Variants in UVRAG observed in about 807,000 individuals in gnomAD.
The protein encoded by UVRAG is UV radiation resistance associated, also known as UV radiation resistance-associated gene protein.
In UVRAG, 19 loss-of-function variants were observed where a neutral mutation model predicts 78.0. The observed-to-expected ratio is 0.24, with a 90% CI of 0.17 to 0.36. The LOEUF (loss-of-function observed/expected upper bound fraction) is 0.36. Among genes scored for constraint, UVRAG ranks in the 10% least tolerant of loss-of-function variants. The probability of loss-of-function intolerance (pLI) is 1.00; values close to 1 mark genes in which losing one functional copy is unlikely to be tolerated. For missense variants in UVRAG, 740 were observed against 853.8 expected, an observed-to-expected ratio of 0.87 and a Z score of 1.66; for synonymous variants, 323 against 324.6, an observed-to-expected ratio of 1.00 and a Z score of 0.05.
intron 13 of UVRAG, among the ~76,000 whole-genome samples, chr11:76,071,743 A>G (rs1951313648): frequency 6.6e-6 from 1 of 152,156 alleles, no homozygotes; most frequent in Non-Finnish European, 1.5e-5. Flanking sequence ...AGAAGTGAAC[A>G]GATTTGAAAT....
At chr11:75,933,021 T>G (rs909905220) in intron 6 of UVRAG, among the ~76,000 whole-genome samples, 7 of 152,170 alleles carry the variant, frequency 4.6e-5, no homozygotes, top group Admixed American at 2.6e-4. Context: ...AAAATTTATA[T>G]GGAACCACAA....
At chr11:75,883,432 A>G (rs1025550214) in intron 4 of UVRAG, among the ~76,000 whole-genome samples, 1 of 152,136 alleles carries the variant, frequency 6.6e-6, no homozygotes, top group African/African-American at 2.4e-5. Flanking sequence ...CCAGATAGAA[A>G]CTTAAGATCA....
intron 1 of UVRAG, among the ~76,000 whole-genome samples, chr11:75,841,581 C>T (rs559967648): frequency 2.6e-5 from 4 of 151,878 alleles, no homozygotes; most frequent in Non-Finnish European, 5.9e-5. Flanking sequence ...TTACATTGTA[C>T]CACAATGTAA....
intron 12 of UVRAG, among the ~76,000 whole-genome samples, chr11:76,017,657 A>G (rs1950174310): frequency 2.0e-5 from 3 of 152,196 alleles, no homozygotes; most frequent in Admixed American, 1.3e-4. Context: ...GAAAGACATG[A>G]TAGCATGAAA....
chr11:76,012,260 TCAC>T (rs777555401), intron 11 of UVRAG, among the ~76,000 whole-genome samples: 1 of 151,078 alleles, frequency 6.6e-6, no homozygotes, highest in Non-Finnish European at 1.5e-5. Flanking sequence ...ACCCTAATTC[TCAC>T]AACTGTGAGA....
intron 3 of UVRAG, among the ~76,000 whole-genome samples, chr11:75,874,445 C>G (rs1241410191): frequency 6.6e-6 from 1 of 152,102 alleles, no homozygotes; most frequent in Non-Finnish European, 1.5e-5. Flanking sequence ...CTAGATGCAT[C>G]TTAAAACCAG....
At chr11:75,875,617 CT>C (rs538320213) in intron 3 of UVRAG, among the ~76,000 whole-genome samples, 4,794 of 135,660 alleles carry the variant, frequency 0.035, 230 homozygotes, top group African/African-American at 0.12. Context: ...GTTTTTAAAC[CT>C]TTTTTTTTTT....
At chr11:76,133,070 T>A (rs1477271715) in intron 14 of UVRAG, among the ~76,000 whole-genome samples, 1 of 152,258 alleles carries the variant, frequency 6.6e-6, no homozygotes, top group East Asian at 1.9e-4. Flanking sequence ...AGAGATGTCA[T>A]AAGGATTAAA....
At chr11:75,950,980 A>G (rs1282864975) in intron 6 of UVRAG, among the ~76,000 whole-genome samples, 1 of 150,066 alleles carries the variant, frequency 6.7e-6, no homozygotes, top group Non-Finnish European at 1.5e-5. Context: ...ACACACACAC[A>G]CACACACACA....
intron 9 of UVRAG, among the ~76,000 whole-genome samples, chr11:76,005,039 TG>T: frequency 6.6e-6 from 1 of 152,136 alleles, no homozygotes; most frequent in African/African-American, 2.4e-5. Flanking sequence ...CTTTAGCAGT[TG>T]GGGATTCAAA....
chr11:75,960,349 T>C (rs899296830), intron 6 of UVRAG, among the ~76,000 whole-genome samples: 29 of 152,188 alleles, frequency 1.9e-4, no homozygotes, highest in African/African-American at 6.5e-4. Context: ...TAAATTAACT[T>C]ATTAATTTTA....
chr11:75,902,195 A>G (rs1392781533), intron 5 of UVRAG, among the ~76,000 whole-genome samples: 1 of 152,250 alleles, frequency 6.6e-6, no homozygotes, highest in African/African-American at 2.4e-5. Flanking sequence ...GGTTGTCATC[A>G]GTAGTATAGC....
intron 6 of UVRAG, among the ~76,000 whole-genome samples, chr11:75,952,288 TA>T (rs1226781174): frequency 6.6e-6 from 1 of 152,210 alleles, no homozygotes; most frequent in Non-Finnish European, 1.5e-5. Context: ...AATGCATTAT[TA>T]CAATGGTTTG....
intron 1 of UVRAG, among the ~76,000 whole-genome samples, chr11:75,833,952 G>A (rs1375129208): frequency 6.6e-6 from 1 of 152,174 alleles, no homozygotes; most frequent in Non-Finnish European, 1.5e-5. Context: ...TGGCCATCAC[G>A]AACATGTCAC....
At chr11:75,851,542 T>A (rs1415923951) in intron 1 of UVRAG, among the ~76,000 whole-genome samples, 1 of 152,250 alleles carries the variant, frequency 6.6e-6, no homozygotes, top group Non-Finnish European at 1.5e-5. Context: ...TCAGAATCCC[T>A]CTGTGGAGAA....
At chr11:76,104,548 AT>A (rs761310986) in intron 13 of UVRAG, among the ~76,000 whole-genome samples, 3 of 152,210 alleles carry the variant, frequency 2.0e-5, no homozygotes, top group Non-Finnish European at 4.4e-5. Context: ...CACTATTTTC[AT>A]TATCGTTAGC....
intron 5 of UVRAG, among the ~76,000 whole-genome samples, chr11:75,907,985 T>C (rs941771385): frequency 1.3e-5 from 2 of 152,250 alleles, no homozygotes; most frequent in Non-Finnish European, 2.9e-5. Context: ...ACATTCACAC[T>C]GTTGTGCAAC....
rs1952729993 is a variant in UVRAG at position 76,141,907 on chromosome 11, G to A, written c.*494G>A. ...GAGGTAGATGAAGAAGCAGCATAGT[G>A]GTCTCCTTACATCTAGGCCTAACTG... is the stretch of plus-strand genomic sequence containing the variant. On this transcript the variant is annotated 3_prime_UTR_variant, in exon 15 of 15. Transcript: ENST00000356136. 6.1e-6 allele frequency: 1 copy of A among 164,356 alleles called. No homozygotes were observed. Among genetic ancestry groups the A allele is most frequent in the Non-Finnish European group, 1.3e-5 (1 of 75,428 alleles). 10.2% of individuals were successfully genotyped at this position (164,356 alleles called of 1,614,324 possible).
Position 75,957,965 on chromosome 11 carries a change from G to A in UVRAG, c.594-3479G>A, listed in dbSNP as rs539099574. On this transcript the variant is annotated intron_variant, in intron 6 of 14. Transcript: ENST00000356136. Reference sequence around the variant, plus strand: ...CATGAACTTTTTGGTTTCCCAGTGCGTATAAAAGTTATGTTTACACTATGC... The same window carrying A: ...CATGAACTTTTTGGTTTCCCAGTGCATATAAAAGTTATGTTTACACTATGC... 7.9e-5 allele frequency among the ~76,000 whole-genome samples: 12 copies of A among 152,260 alleles called. No individual in the cohort carries two copies. The South Asian group carries it at 1.0e-3, about 13-fold the overall frequency.
Sources: gnomAD v4.1 joint callset for allele counts (sites outside exome capture counted in the v4.1 genomes callset) on GRCh38, gnomAD v4.1.1 for gene constraint, MANE v1.5 for transcripts, NCBI Gene and HGNC (gene_info 2026-07-23, HGNC 2026-07-21) for gene names.